The following METRN variants were observed in gnomAD, a reference collection of about 807,000 sequenced individuals.
METRN encodes meteorin.
A neutral mutation model predicts 17.4 loss-of-function variants in METRN; 17 were observed. The observed-to-expected ratio is 0.98, with a 90% CI of 0.67 to 1.46. The LOEUF is 1.46. METRN is among the 40% of genes most tolerant of loss of function. The probability of loss-of-function intolerance (pLI) is 0.00; values close to 1 mark genes in which losing one functional copy is unlikely to be tolerated. For missense variants in METRN, 489 were observed against 456.2 expected, an observed-to-expected ratio of 1.07 and a Z score of -0.65; for synonymous variants, 230 against 210.8, an observed-to-expected ratio of 1.09 and a Z score of -0.79.
chr16:717,662 G>A lies in METRN; in HGVS notation c.*275G>A, dbSNP rs1477544384. On this transcript the variant is annotated 3_prime_UTR_variant, in exon 4 of 4. Transcript: ENST00000568223. ...TCAGGAGGAGCTACACCCACATTCC[G>A]GGGAGGGGCCGCTGCTGGGTGGGGG... The A allele has an allele frequency of 7.8e-6, 3 of 382,422 alleles. No individual in the cohort carries two copies. Among genetic ancestry groups the A allele is most frequent in the Middle Eastern group, 6.5e-4 (1 of 1,550 alleles). 23.7% of individuals were successfully genotyped at this position (382,422 alleles called of 1,614,324 possible). A position where few individuals can be genotyped will look rare whatever the true frequency, so the allele number is the denominator to read the frequency against.
At position 715,786 on chromosome 16, in the gene METRN, C is replaced by T; in HGVS notation, c.307C>T (p.Leu103=). The change falls in exon 2 of 4, where the codon CTG becomes TTG. Residue 103 remains leucine (L), a synonymous_variant. Transcript: ENST00000568223. The part of the protein sequence containing the change: ...QVFAERAGGA[L]ELLLAEGPGP... ...CTTCGCGGAGCGCGCAGGGGGCGCC[C>T]TGGAGCTGCTGCTGGCCGAGGGCCC... The T allele has an allele frequency of 7.9e-7, 1 of 1,259,956 alleles. No individual in the cohort carries two copies. Among genetic ancestry groups the T allele is most frequent in the Non-Finnish European group, 9.9e-7 (1 of 1,005,570 alleles). The allele number at this position is 1,259,956 out of a possible 1,614,324, so 78.0% of individuals were successfully genotyped here. A position where few individuals can be genotyped will look rare whatever the true frequency, so the allele number is the denominator to read the frequency against.
In METRN at chr16:716,996, AGTGTCCCCGCCATGG is replaced by A; in HGVS notation, c.565+6_565+20del. 1.2e-6 allele frequency: 2 copies of A among 1,608,246 alleles called. No individual in the cohort carries two copies. The highest frequency in any genetic ancestry group is 1.7e-6 in the Non-Finnish European group (2 of 1,177,234). On this transcript the variant is annotated splice_donor_5th_base_variant and intron_variant, in intron 3 of 3. Coordinates refer to ENST00000568223, the MANE Select transcript of METRN (RefSeq NM_024042.4). ...GCCGCATGCACCAGCGACTTCGGTG[AGTGTCCCCGCCATGG>A]GGGGAGCCTGGAGCCTGCCTTCCCC... is the stretch of plus-strand genomic sequence containing the variant.
chr16:715,683 C>A lies in METRN; in HGVS notation c.204C>A (p.Thr68=). ...ACCCGGCTGGGGCGCTGCGCCTGAC[C>A]CTGGGCGGCCCCGATCCCAGAGCGC... is the stretch of plus-strand genomic sequence containing the variant. ...WLYPAGALRL[T]LGGPDPRARP... The change falls in exon 2 of 4, where the codon ACC becomes ACA. Residue 68 remains threonine, a synonymous_variant. Coordinates refer to ENST00000568223, the MANE Select transcript of METRN (RefSeq NM_024042.4). The A allele has an allele frequency of 7.1e-7, 1 of 1,411,612 alleles. No homozygotes were observed. Among genetic ancestry groups the A allele is most frequent in the Non-Finnish European group, 9.2e-7 (1 of 1,085,700 alleles). The allele number at this position is 1,411,612 out of a possible 1,614,324, so 87.4% of individuals were successfully genotyped here. A position where few individuals can be genotyped will look rare whatever the true frequency, so the allele number is the denominator to read the frequency against.
At position 715,404 on chromosome 16, in the gene METRN, G is replaced by A. The variant is rs2040151633; in HGVS notation, c.104+11G>A. 9 of 1,296,220 alleles carry A rather than the reference G, an allele frequency of 6.9e-6. No homozygotes were observed. The East Asian group carries it at 2.5e-4, about 36-fold the overall frequency. The allele number at this position is 1,296,220 out of a possible 1,614,324, so 80.3% of individuals were successfully genotyped here. ...CAGCTGGAGGGGCAGGTACGGTCCG[G>A]GGGGCTGTCCCCGCACTTAGGACGG... On this transcript the variant is annotated intron_variant, in intron 1 of 3. Transcript: ENST00000568223.
In METRN at chr16:715,322, G is replaced by A; in HGVS notation, c.33G>A (p.Ala11=). The A allele has an allele frequency of 1.5e-6, 2 of 1,348,576 alleles. No homozygotes were observed. The highest frequency in any genetic ancestry group is 1.9e-6 in the Non-Finnish European group (2 of 1,050,936). The allele number at this position is 1,348,576 out of a possible 1,614,324, so 83.5% of individuals were successfully genotyped here. A position where few individuals can be genotyped will look rare whatever the true frequency, so the allele number is the denominator to read the frequency against. The change falls in exon 1 of 4, where the codon GCG becomes GCA. Residue 11 remains alanine (A), a synonymous_variant. Coordinates refer to ENST00000568223, the MANE Select transcript of METRN (RefSeq NM_024042.4). MGFPAAALLC[A]LCCGLLAPAA... is the part of the protein sequence containing the mutation. ...TCCCGGCCGCGGCGCTGCTCTGCGC[G>A]CTGTGCTGCGGCCTCCTGGCCCCGG...
At position 715,732 on chromosome 16, in the gene METRN, C is replaced by T; in HGVS notation, c.253C>T (p.Pro85Ser). Residue 85 changes from proline (P) to serine (S), a missense_variant, in exon 2 of 4, where the codon CCG becomes TCG. Physicochemically the swap from Pro to Ser is moderately conservative, Grantham distance 74 (BLOSUM62 -1). Coordinates refer to ENST00000568223, the MANE Select transcript of METRN (RefSeq NM_024042.4). ...GCGGCCCGGCATCGCCTGTCTGCGG[C>T]CGGTGCGGCCCTTCGCGGGCGCCCA... ...RARPGIACLR[P>S]VRPFAGAQVF... 2 of 1,306,190 alleles carry T rather than the reference C, an allele frequency of 1.5e-6. No homozygotes were observed. The highest frequency in any genetic ancestry group is 1.9e-6 in the Non-Finnish European group (2 of 1,031,978). The allele number at this position is 1,306,190 out of a possible 1,614,324, so 80.9% of individuals were successfully genotyped here.
rs1156880076 is a variant in METRN at position 718,177 on chromosome 16, A to G, written c.*790A>G. Reference sequence around the variant, plus strand: ...GTTTCCCGCCACTGGCCCCATTGTCACTGTCTCCGCCTTCCTCCTCGGCCT... The same window carrying G: ...GTTTCCCGCCACTGGCCCCATTGTCGCTGTCTCCGCCTTCCTCCTCGGCCT... On this transcript the variant is annotated 3_prime_UTR_variant, in exon 4 of 4. Coordinates refer to ENST00000568223, the MANE Select transcript of METRN (RefSeq NM_024042.4). 1 of 152,254 alleles carries G rather than the reference A, an allele frequency of 6.6e-6. No individual in the cohort carries two copies. Among genetic ancestry groups the G allele is most frequent in the East Asian group, 1.9e-4 (1 of 5,204 alleles). 9.4% of individuals were successfully genotyped at this position (152,254 alleles called of 1,614,324 possible).
rs1324984128 is a variant in METRN, at chr16:717,507, C to T, written c.*120C>T. Reference sequence around the variant, plus strand: ...CTGCTGTGGACCTGGTCTCCTGTGTCCAGCCCAGCCTTGGGCCTGCCTCGC... The same window carrying T: ...CTGCTGTGGACCTGGTCTCCTGTGTTCAGCCCAGCCTTGGGCCTGCCTCGC... On this transcript the variant is annotated 3_prime_UTR_variant, in exon 4 of 4. Transcript: ENST00000568223. 1 of 1,013,476 alleles carries T rather than the reference C, an allele frequency of 9.9e-7. No homozygotes were observed. The highest frequency in any genetic ancestry group is 3.2e-5 in the East Asian group (1 of 31,720). 62.8% of individuals were successfully genotyped at this position (1,013,476 alleles called of 1,614,324 possible).
Position 717,264 on chromosome 16 carries a change from C to A in METRN, c.759C>A (p.Phe253Leu), listed in dbSNP as rs1290118613. The A allele has an allele frequency of 5.8e-6, 9 of 1,561,526 alleles. No individual in the cohort carries two copies. The highest frequency in any genetic ancestry group is 6.9e-6 in the Non-Finnish European group (8 of 1,156,682). The change falls in exon 4 of 4, where the codon TTC (phenylalanine) becomes TTA (leucine). Residue 253 changes from phenylalanine to leucine, a missense_variant. Coordinates refer to ENST00000568223, the MANE Select transcript of METRN (RefSeq NM_024042.4). ...ACCCGGGCCCAGGCACCTTCCTCTT[C>A]ATGGGCTGGAGCCGCTTTGGGGAGG... ...GVHPGPGTFL[F>L]MGWSRFGEAR...
intron 1 of METRN, 50 bp from the exon 2 acceptor site, chr16:715,534 C>CGGGCGG (rs1280004335): frequency 3.1e-6 from 4 of 1,287,442 alleles, no homozygotes; most frequent in Middle Eastern, 3.0e-4. Context: ...GGGGCTGCGC[C>CGGGCGG]GGGCGGGGAC....
chr16:715,880 C>G lies in METRN; in HGVS notation c.401C>G (p.Thr134Arg). The G allele has an allele frequency of 1.4e-6, 2 of 1,435,196 alleles. No homozygotes were observed. The highest frequency in any genetic ancestry group is 9.1e-7 in the Non-Finnish European group (1 of 1,099,894). The allele number at this position is 1,435,196 out of a possible 1,614,324, so 88.9% of individuals were successfully genotyped here. Residue 134 changes from threonine to arginine, a missense_variant, in exon 2 of 4, where the codon ACG becomes AGG. Transcript: ENST00000568223. ...CGCCGGGCCCTCTTCCTGCAGGCCA[C>G]GCCGCACCAGGACATCAGCCGCCGC... is the stretch of plus-strand genomic sequence containing the variant. ...RERRALFLQA[T>R]PHQDISRRVA...
chr16:716,755 C>T (rs1299605099), intron 2 of METRN, 178 bp from the exon 3 acceptor site: 5 of 1,534,902 alleles, frequency 3.3e-6, no homozygotes, highest in Non-Finnish European at 4.4e-6. Context: ...ACAGGTGTCG[C>T]CGAGGGCGTG....
chr16:717,424 G>GT lies in METRN; in HGVS notation c.*37_*38insT, dbSNP rs1555481723. The GT allele has an allele frequency of 1.3e-5, 18 of 1,357,292 alleles. No individual in the cohort carries two copies. Among genetic ancestry groups the GT allele is most frequent in the Middle Eastern group, 2.2e-4 (1 of 4,548 alleles). 84.1% of individuals were successfully genotyped at this position (1,357,292 alleles called of 1,614,324 possible). ...CTGGGGAGGGGCTGGTAGGAGGGAG[G>GT]GTGGGCCCACTGCTTTGGAGGTGAT... is the stretch of plus-strand genomic sequence containing the variant. On this transcript the variant is annotated 3_prime_UTR_variant, in exon 4 of 4. Coordinates refer to ENST00000568223, the MANE Select transcript of METRN (RefSeq NM_024042.4).
chr16:716,413 C>A (rs1316534815), intron 2 of METRN: 1 of 1,431,586 alleles, frequency 7.0e-7, no homozygotes, highest in South Asian at 1.5e-5. Context: ...CGCCTCCCTG[C>A]AGGGCACCAG....
chr16:717,418 A>C lies in METRN; in HGVS notation c.*31A>C. On this transcript the variant is annotated 3_prime_UTR_variant, in exon 4 of 4. Transcript: ENST00000568223. ...TGGGTGCTGGGGAGGGGCTGGTAGG[A>C]GGGAGGGTGGGCCCACTGCTTTGGA... 9.4e-6 allele frequency: 6 copies of C among 639,150 alleles called. No individual in the cohort carries two copies. Among genetic ancestry groups the C allele is most frequent in the South Asian group, 2.2e-5 (1 of 45,238 alleles). The allele number at this position is 639,150 out of a possible 1,614,324, so 39.6% of individuals were successfully genotyped here. A position where few individuals can be genotyped will look rare whatever the true frequency, so the allele number is the denominator to read the frequency against.
At position 717,054 on chromosome 16, in the gene METRN, C is replaced by T; in HGVS notation, c.566-17C>T. ...CCTTCCCCTGAATGCCTACCGCAGC[C>T]ACATGCCTCCCCACAGTAATTCACG... On this transcript the variant is annotated splice_polypyrimidine_tract_variant and intron_variant, in intron 3 of 3. Coordinates refer to ENST00000568223, the MANE Select transcript of METRN (RefSeq NM_024042.4). 6.2e-7 allele frequency: 1 copy of T among 1,611,728 alleles called. No homozygotes were observed. Among genetic ancestry groups the T allele is most frequent in the Non-Finnish European group, 8.5e-7 (1 of 1,179,388 alleles).
rs771190511 is a variant in METRN at position 715,635 on chromosome 16, G to A, written c.156G>A (p.Ala52=). 4.2e-6 allele frequency: 6 copies of A among 1,435,868 alleles called. No individual in the cohort carries two copies. Among genetic ancestry groups the A allele is most frequent in the Admixed American group, 2.7e-5 (1 of 36,622 alleles). The allele number at this position is 1,435,868 out of a possible 1,614,324, so 88.9% of individuals were successfully genotyped here. ...TGGGGCAGCTGGCCCTGGCCTGTGC[G>A]GAGGGCGCGGTTGAGTGGCTGTACC... ...GSVGQLALAC[A]EGAVEWLYPA... Residue 52 remains alanine, a synonymous_variant, in exon 2 of 4, where the codon GCG becomes GCA. Coordinates refer to ENST00000568223, the MANE Select transcript of METRN (RefSeq NM_024042.4).
chr16:719,528 A>C lies in METRN; in HGVS notation c.*2141A>C, dbSNP rs1302850611. 1.3e-5 allele frequency: 2 copies of C among 152,362 alleles called. No homozygotes were observed. Among genetic ancestry groups the C allele is most frequent in the African/African-American group, 4.8e-5 (2 of 41,452 alleles). The allele number at this position is 152,362 out of a possible 1,614,324, so 9.4% of individuals were successfully genotyped here. ...GGAGAGGAGTGGGGAGGTTGGGCGCAGTGGCTCACGCCTGTAATCCCAACA... is the reference window on the plus strand; with the variant it reads ...GGAGAGGAGTGGGGAGGTTGGGCGCCGTGGCTCACGCCTGTAATCCCAACA... On this transcript the variant is annotated 3_prime_UTR_variant, in exon 4 of 4. Coordinates refer to ENST00000568223, the MANE Select transcript of METRN (RefSeq NM_024042.4).
chr16:717,242 CG>C lies in METRN; in HGVS notation c.740del (p.Gly247AlafsTer68). 6.4e-7 allele frequency: 1 copy of C among 1,574,336 alleles called. No individual in the cohort carries two copies. On this transcript the variant is annotated frameshift_variant, in exon 4 of 4. Coordinates refer to ENST00000568223, the MANE Select transcript of METRN (RefSeq NM_024042.4). LOFTEE classifies it low-confidence loss of function (END_TRUNC). ...IRTPLRCGVH[P>X]GPGTFLFMGW... ...ACCCCACTGCGCTGTGGCGTCCACC[CG>C]GGCCCAGGCACCTTCCTCTTCATGG...
Sources: allele counts gnomAD v4.1 joint callset, GRCh38; gene constraint gnomAD v4.1.1; transcripts MANE v1.5; gene names NCBI Gene and HGNC (gene_info 2026-07-23, HGNC 2026-07-21).